The following ATP23 variants were observed in gnomAD, a reference collection of about 807,000 sequenced individuals.
The protein encoded by ATP23 is mitochondrial inner membrane protease ATP23 homolog.
Under a neutral mutation model 28.5 loss-of-function variants are expected in ATP23, and 24 were observed. The ratio of observed to expected loss-of-function variants is 0.84; its 90% CI spans 0.61 to 1.18. The LOEUF is 1.18. ATP23 is among the 50% of genes most tolerant of loss of function. The probability of loss-of-function intolerance (pLI) is 0.00; values close to 1 mark genes in which losing one functional copy is unlikely to be tolerated. For missense variants in ATP23, 274 were observed against 306.4 expected, an observed-to-expected ratio of 0.89 and a Z score of 0.79; for synonymous variants, 99 against 108.6, an observed-to-expected ratio of 0.91 and a Z score of 0.55.
At chr12:57,953,553 A>C in intron 4 of ATP23, 53 bp from the exon 5 acceptor site, 1 of 1,424,954 alleles carries the variant, frequency 7.0e-7, no homozygotes, top group Non-Finnish European at 9.6e-7. Flanking sequence ...GATATCATAA[A>C]GATATATAGA....
At chr12:57,951,257 A>G (rs1956811584) in intron 3 of ATP23, among the ~76,000 whole-genome samples, 1 of 152,196 alleles carries the variant, frequency 6.6e-6, no homozygotes, top group African/African-American at 2.4e-5. Context: ...TATTTTACAT[A>G]TATTCTCATT....
At position 57,956,975 on chromosome 12, in the gene ATP23, G is replaced by A. The variant is rs1956875110; in HGVS notation, c.*85G>A. 2 of 1,121,622 alleles carry A rather than the reference G, an allele frequency of 1.8e-6. No homozygotes were observed. The highest frequency in any genetic ancestry group is 1.7e-5 in the South Asian group (1 of 57,474). 69.5% of individuals were successfully genotyped at this position (1,121,622 alleles called of 1,614,324 possible). ...TCTCAAGTGAACAAACATATAAAAT[G>A]TAAACAATCCCTACAATCCAGATAA... On this transcript the variant is annotated 3_prime_UTR_variant, in exon 6 of 6. Coordinates refer to ENST00000300145, the MANE Select transcript of ATP23 (RefSeq NM_033276.4).
At chr12:57,944,194 G>T (rs1438488147) in intron 1 of ATP23, among the ~76,000 whole-genome samples, 1 of 151,568 alleles carries the variant, frequency 6.6e-6, no homozygotes, top group Non-Finnish European at 1.5e-5. Flanking sequence ...AATACGTATT[G>T]TTAACAATAA....
In ATP23 at chr12:57,945,670, G is replaced by T; in HGVS notation, c.230G>T (p.Gly77Val). ...CTGCTTGATGCTATGAAACACTCAG[G>T]TTGGTAAGTAACTCTTTTTGAAGTG... ...KLLLDAMKHS[G>V]CAVNKDRHFS... The change falls in exon 2 of 6, where the codon GGT becomes GTT. Residue 77 changes from glycine to valine, a missense_variant. By Grantham distance (109) the Gly-to-Val change is moderately radical. Coordinates refer to ENST00000300145, the MANE Select transcript of ATP23 (RefSeq NM_033276.4). The T allele has an allele frequency of 6.2e-7, 1 of 1,613,600 alleles. No homozygotes were observed. The highest frequency in any genetic ancestry group is 8.5e-7 in the Non-Finnish European group (1 of 1,179,822).
chr12:57,955,007 G>A (rs933273867), intron 5 of ATP23, among the ~76,000 whole-genome samples: 1 of 152,120 alleles, frequency 6.6e-6, no homozygotes, highest in Non-Finnish European at 1.5e-5. Context: ...CTGTGCCCTT[G>A]AGTCCCTGCT....
rs749580977 is a variant in ATP23, at chr12:57,941,829, C to T, written c.128C>T (p.Ser43Phe). 1.2e-6 allele frequency: 2 copies of T among 1,612,804 alleles called. No individual in the cohort carries two copies. The highest frequency in any genetic ancestry group is 2.7e-5 in the African/African-American group (2 of 74,816). The change falls in exon 1 of 6, where the codon TCC (serine) becomes TTC (phenylalanine). Residue 43 changes from serine to phenylalanine, a missense_variant. Coordinates refer to ENST00000300145, the MANE Select transcript of ATP23 (RefSeq NM_033276.4). Reference protein sequence around the residue: ...AQGNPQQGFFSSFFTSNQKCQ... With the variant: ...AQGNPQQGFFFSFFTSNQKCQ... ...GGGAATCCCCAGCAAGGGTTCTTCT[C>T]CAGCTTCTTCACCAGCAACCAGAAG...
intron 3 of ATP23, among the ~76,000 whole-genome samples, chr12:57,950,275 C>T (rs1206756184): frequency 6.6e-6 from 1 of 152,170 alleles, no homozygotes; most frequent in Non-Finnish European, 1.5e-5. Flanking sequence ...CCGACCTCAC[C>T]AGCCGTATCT....
rs1956885527 is a variant in ATP23, at chr12:57,958,104, T to G, written c.*1214T>G. Among the ~76,000 whole-genome samples the G allele has an allele frequency of 6.6e-6, 1 of 152,096 alleles. No individual in the cohort carries two copies. Among genetic ancestry groups the G allele is most frequent in the African/African-American group, 2.4e-5 (1 of 41,410 alleles). On this transcript the variant is annotated 3_prime_UTR_variant, in exon 6 of 6. Transcript: ENST00000300145. ...GTGGGAGCTGGGTGAGGCCTGTGAC[T>G]GCCGGCTTTCCCCTACTTCCCTGAC...
chr12:57,955,213 A>G (rs1475288977), intron 5 of ATP23, among the ~76,000 whole-genome samples: 1 of 151,828 alleles, frequency 6.6e-6, no homozygotes, highest in African/African-American at 2.4e-5. Flanking sequence ...TTTTAGAAAA[A>G]TATGCTAATT....
intron 1 of ATP23, among the ~76,000 whole-genome samples, chr12:57,945,378 G>A (rs142271900): frequency 0.017 from 2,515 of 152,160 alleles, 72 homozygotes; most frequent in African/African-American, 0.057. Context: ...GACTACAGGC[G>A]TGTGCCACCA....
chr12:57,946,164 C>G (rs1956759037), intron 2 of ATP23, among the ~76,000 whole-genome samples: 1 of 151,714 alleles, frequency 6.6e-6, no homozygotes, highest in South Asian at 2.1e-4. Flanking sequence ...CTGCGCCAGC[C>G]CAGCTCATTT....
chr12:57,947,495 A>T (rs1956773842), intron 3 of ATP23, among the ~76,000 whole-genome samples: 1 of 152,178 alleles, frequency 6.6e-6, no homozygotes, highest in East Asian at 1.9e-4. Context: ...TGTCTAGTTT[A>T]TCTGGAGGGC....
chr12:57,944,710 G>A (rs560676527), intron 1 of ATP23, among the ~76,000 whole-genome samples: 18 of 152,306 alleles, frequency 1.2e-4, no homozygotes, highest in African/African-American at 4.1e-4. Context: ...TCCTTGTTCT[G>A]CCCTTTGAAG....
intron 3 of ATP23, among the ~76,000 whole-genome samples, chr12:57,950,528 CT>C (rs60968742): frequency 4.3e-3 from 613 of 142,200 alleles, no homozygotes; most frequent in Non-Finnish European, 4.2e-3. Context: ...CTTTCTTTTT[CT>C]TTTTTTTTTT....
At position 57,941,729 on chromosome 12, in the gene ATP23, CG is replaced by C. The variant is rs1956704456; in HGVS notation, c.32del (p.Gly11AlafsTer47). Reference protein sequence around the residue: MAGAPDERRRGPAAGEQLQQ... With the variant: MAGAPDERRXGPAAGEQLQQ... ...GGCGGGAGCTCCGGACGAGCGCCGG[CG>C]GGGCCCCGCGGCAGGGGAGCAGCTG... On this transcript the variant is annotated frameshift_variant, in exon 1 of 6. Transcript: ENST00000300145. LOFTEE classifies it high-confidence loss of function. 3 of 1,595,922 alleles carry C rather than the reference CG, an allele frequency of 1.9e-6. No homozygotes were observed. The highest frequency in any genetic ancestry group is 1.8e-5 in the Admixed American group (1 of 57,000).
At chr12:57,947,873 C>A (rs1956777490) in intron 3 of ATP23, among the ~76,000 whole-genome samples, 1 of 152,162 alleles carries the variant, frequency 6.6e-6, no homozygotes, top group Non-Finnish European at 1.5e-5. Flanking sequence ...TTATAAGTAA[C>A]TGTTTCCCAC....
chr12:57,951,942 T>G, intron 4 of ATP23, 47 bp downstream of exon 4: 1 of 1,594,110 alleles, frequency 6.3e-7, no homozygotes, highest in South Asian at 1.1e-5. Context: ...GCTTGAATAT[T>G]TTATTCAAGT....
intron 2 of ATP23, 31 bp from the exon 3 acceptor site, chr12:57,946,964 C>G (rs777866360): frequency 1.2e-6 from 2 of 1,609,478 alleles, no homozygotes; most frequent in Admixed American, 1.7e-5. Flanking sequence ...CACACTGTTT[C>G]TGGACATTGT....
At chr12:57,945,513 T>G in intron 1 of ATP23, 115 bp from the exon 2 acceptor site, 166 of 838,236 alleles carry the variant, frequency 2.0e-4, no homozygotes, top group Non-Finnish European at 2.8e-4. Flanking sequence ...ATTACAGGCA[T>G]GAGCCACTGC....
Sources: gnomAD v4.1 joint callset for allele counts (sites outside exome capture counted in the v4.1 genomes callset) on GRCh38, gnomAD v4.1.1 for gene constraint, MANE v1.5 for transcripts, NCBI Gene and HGNC (gene_info 2026-07-23, HGNC 2026-07-21) for gene names.